ZNF622: variants seen among roughly 807,000 people sequenced by gnomAD.
ZNF622 encodes zinc finger protein 622, also known as cytoplasmic 60S subunit biogenesis factor ZNF622.
In ZNF622, 34 loss-of-function variants were observed where a neutral mutation model predicts 49.7. The ratio of observed to expected loss-of-function variants is 0.68; its 90% CI spans 0.52 to 0.91. The LOEUF (loss-of-function observed/expected upper bound fraction) is 0.91. Among genes scored for constraint, ZNF622 ranks in the 40% least tolerant of loss-of-function variants. The probability of loss-of-function intolerance (pLI) is 0.00; values close to 1 mark genes in which losing one functional copy is unlikely to be tolerated. For synonymous variants in ZNF622, 209 were observed against 228.7 expected (o/e 0.91, Z 0.78); for missense variants, 569 against 616.4 (o/e 0.92, Z 0.81).
Position 16,465,287 on chromosome 5 carries a change from C to A in ZNF622, c.379G>T (p.Ala127Ser). 3.1e-6 allele frequency: 5 copies of A among 1,614,266 alleles called. No individual in the cohort carries two copies. Among genetic ancestry groups the A allele is most frequent in the Non-Finnish European group, 4.2e-6 (5 of 1,180,044 alleles). The change falls in exon 1 of 6, where the codon GCC becomes TCC. Residue 127 changes from alanine to serine, a missense_variant. Coordinates refer to ENST00000308683, the MANE Select transcript of ZNF622 (RefSeq NM_033414.3). This position sits in a 1 kb window ranked among gnomAD's most constrained non-coding sequence, Gnocchi z 6.2. ...GLGVDSVDKDAMNAAIQQAIK... is the reference protein window; with the variant it reads ...GLGVDSVDKDSMNAAIQQAIK... ...GCCTGCTGGATGGCCGCGTTCATGG[C>A]ATCCTTGTCCACACTGTCCACGCCC...
chr5:16,463,299 G>GA lies in ZNF622; in HGVS notation c.887-30dup, dbSNP rs756878264. 1 of 1,576,936 alleles carries GA rather than the reference G, an allele frequency of 6.3e-7. No individual in the cohort carries two copies. The highest frequency in any genetic ancestry group is 1.2e-5 in the South Asian group (1 of 84,366). On this transcript the variant is annotated intron_variant, in intron 2 of 5. Coordinates refer to ENST00000308683, the MANE Select transcript of ZNF622 (RefSeq NM_033414.3). This position sits in a 1 kb window ranked among gnomAD's most constrained non-coding sequence, Gnocchi z 4.2. Reference sequence around the variant, plus strand: ...GAAAAATAATTTAAGGAAAAAATATGAAAAAAGCTTTTTGCAACCAGATTA... The same window carrying GA: ...GAAAAATAATTTAAGGAAAAAATATGAAAAAAAGCTTTTTGCAACCAGATTA...
chr5:16,453,562 TATATATATATATA>T (rs1561067747), intron 4 of ZNF622, among the ~76,000 whole-genome samples: 1,955 of 104,000 alleles, frequency 0.019, 29 homozygotes, highest in South Asian at 0.027. Flanking sequence ...ATAAAAATTA[TATATATATATATA>T]TATATATATA....
intron 3 of ZNF622, among the ~76,000 whole-genome samples, chr5:16,461,359 C>T (rs917876387): frequency 3.9e-5 from 6 of 152,184 alleles, no homozygotes; most frequent in Admixed American, 3.3e-4. Context: ...AGTTTGACCT[C>T]ACTTAATGTT....
Position 16,465,044 on chromosome 5 carries a change from C to T in ZNF622, c.622G>A (p.Asp208Asn). 1 of 1,579,162 alleles carries T rather than the reference C, an allele frequency of 6.3e-7. No individual in the cohort carries two copies. Among genetic ancestry groups the T allele is most frequent in the Non-Finnish European group, 8.6e-7 (1 of 1,162,508 alleles). The stretch of plus-strand genomic sequence containing the variant: ...CCCGCCCAGACAGGGCCATCACCGT[C>T]TCCATCCAGGTCCTCTTCCTCCTCC... ...SEEEEEDLDG[D>N]DWEDIDSDEE... The change falls in exon 1 of 6, where the codon GAC becomes AAC. Residue 208 changes from aspartate to asparagine, a missense_variant. Transcript: ENST00000308683. The surrounding 1 kb of genome is among the most constrained non-coding windows in gnomAD (Gnocchi z 6.2).
chr5:16,463,426 C>T lies in ZNF622; in HGVS notation c.886+56G>A. The T allele has an allele frequency of 1.9e-6, 3 of 1,544,876 alleles. No homozygotes were observed. Among genetic ancestry groups the T allele is most frequent in the Non-Finnish European group, 2.6e-6 (3 of 1,137,842 alleles). On this transcript the variant is annotated intron_variant, in intron 2 of 5. Coordinates refer to ENST00000308683, the MANE Select transcript of ZNF622 (RefSeq NM_033414.3). The surrounding 1 kb of genome is among the most constrained non-coding windows in gnomAD (Gnocchi z 4.2). ...ATGCAAAACTAATGTTCCCTTGAGACCAGTCCCCCAATAATGTGATTATTT... is the reference window on the plus strand; with the variant it reads ...ATGCAAAACTAATGTTCCCTTGAGATCAGTCCCCCAATAATGTGATTATTT...
In ZNF622 at chr5:16,462,655, G is replaced by GA. The variant is rs1212324788; in HGVS notation, c.1049+452dup. On this transcript the variant is annotated intron_variant, in intron 3 of 5. Transcript: ENST00000308683. ...GGTGACAGCAAAAATCTTTCTCAGA[G>GA]AAAAAAAAAGATTCTAGTTAGGGGT... 2.0e-5 allele frequency among the ~76,000 whole-genome samples: 3 copies of GA among 150,766 alleles called. No homozygotes were observed. The East Asian group carries it at 5.8e-4, about 29-fold the overall frequency.
Position 16,453,858 on chromosome 5 carries a change from G to GC in ZNF622, c.1163-703dup, listed in dbSNP as rs1372355789. Among the ~76,000 whole-genome samples, 3 of 152,016 alleles carry GC rather than the reference G, an allele frequency of 2.0e-5. No homozygotes were observed. In the East Asian group the frequency reaches 5.8e-4, roughly 30 times the overall value. On this transcript the variant is annotated intron_variant, in intron 4 of 5. Coordinates refer to ENST00000308683, the MANE Select transcript of ZNF622 (RefSeq NM_033414.3). ...TAAACATCTTTACATGCACAGGACAGCCCCCCATAACAAAGAATTATTCAG... is the reference window on the plus strand; with the variant it reads ...TAAACATCTTTACATGCACAGGACAGCCCCCCCATAACAAAGAATTATTCAG...
intron 3 of ZNF622, among the ~76,000 whole-genome samples, chr5:16,460,844 C>T (rs1738109982): frequency 6.6e-6 from 1 of 152,156 alleles, no homozygotes; most frequent in Non-Finnish European, 1.5e-5. Flanking sequence ...TAAGGGAGAA[C>T]CGTTTCCATC....
chr5:16,458,664 A>G, intron 3 of ZNF622, 35 bp from the exon 4 acceptor site: 1 of 1,428,448 alleles, frequency 7.0e-7, no homozygotes, highest in Non-Finnish European at 9.7e-7. Flanking sequence ...AAATAGACTA[A>G]TATCTCAAAT....
rs1738191703 is a variant in ZNF622, at chr5:16,465,106, G to A, written c.560C>T (p.Ala187Val). The A allele has an allele frequency of 1.2e-6, 2 of 1,612,566 alleles. No homozygotes were observed. The highest frequency in any genetic ancestry group is 1.1e-5 in the South Asian group (1 of 90,974). ...CTCCTGCTGCTTTGCCAACTTCTTCGCCTGCTGTTCAAACCACTGGAGCCG... is the reference window on the plus strand; with the variant it reads ...CTCCTGCTGCTTTGCCAACTTCTTCACCTGCTGTTCAAACCACTGGAGCCG... ...PPRLQWFEQQAKKLAKQQEED... is the reference protein window; with the variant it reads ...PPRLQWFEQQVKKLAKQQEED... Residue 187 changes from alanine (A) to valine (V), a missense_variant, in exon 1 of 6, where the codon GCG becomes GTG. Transcript: ENST00000308683. This position sits in a 1 kb window ranked among gnomAD's most constrained non-coding sequence, Gnocchi z 6.2.
intron 3 of ZNF622, among the ~76,000 whole-genome samples, chr5:16,460,781 T>C (rs562981889): frequency 6.6e-6 from 1 of 152,302 alleles, no homozygotes; most frequent in African/African-American, 2.4e-5. Context: ...TTCTCATTTC[T>C]AGGCACCAAC....
At chr5:16,454,898 G>A (rs550011451) in intron 4 of ZNF622, among the ~76,000 whole-genome samples, 6 of 152,316 alleles carry the variant, frequency 3.9e-5, no homozygotes, top group Admixed American at 2.6e-4. Context: ...TGACCTGAAG[G>A]GGGCTGGGTT....
chr5:16,458,039 T>G (rs931235361), intron 4 of ZNF622, among the ~76,000 whole-genome samples: 10 of 152,124 alleles, frequency 6.6e-5, no homozygotes, highest in African/African-American at 2.4e-4. Flanking sequence ...GCTTCTCACA[T>G]TCATGGTTAT....
At position 16,465,145 on chromosome 5, in the gene ZNF622, C is replaced by T. The variant is rs1186972551; in HGVS notation, c.521G>A (p.Ser174Asn). ...GGRGTHDRDPSEKPPRLQWFE... is the reference protein window; with the variant it reads ...GGRGTHDRDPNEKPPRLQWFE... ...CCACTGGAGCCGGGGTGGTTTCTCACTCGGGTCTCGGTCGTGGGTCCCACG... is the reference window on the plus strand; with the variant it reads ...CCACTGGAGCCGGGGTGGTTTCTCATTCGGGTCTCGGTCGTGGGTCCCACG... Residue 174 changes from serine (S) to asparagine (N), a missense_variant, in exon 1 of 6, where the codon AGT becomes AAT. By Grantham distance (46) the Ser-to-Asn change is conservative. Coordinates refer to ENST00000308683, the MANE Select transcript of ZNF622 (RefSeq NM_033414.3). The surrounding 1 kb of genome is among the most constrained non-coding windows in gnomAD (Gnocchi z 6.2). 2 of 1,614,214 alleles carry T rather than the reference C, an allele frequency of 1.2e-6. No individual in the cohort carries two copies. Among genetic ancestry groups the T allele is most frequent in the Admixed American group, 3.3e-5 (2 of 60,034 alleles).
At position 16,458,532 on chromosome 5, in the gene ZNF622, A is replaced by G. The variant is rs141079421; in HGVS notation, c.1147T>C (p.Leu383=). ...NLEYDDETME[L]ILPSGARVGH... ...ATGCACTTACCAGAAGGCAGAATCA[A>G]TTCCATGGTTTCATCATCATATTCC... Residue 383 remains leucine, a synonymous_variant, in exon 4 of 6, where the codon TTG becomes CTG. Transcript: ENST00000308683. 117 of 1,613,100 alleles carry G rather than the reference A, an allele frequency of 7.3e-5. No individual in the cohort carries two copies. In the African/African-American group the frequency reaches 1.4e-3, roughly 20 times the overall value.
At chr5:16,454,583 G>C (rs1294610457) in intron 4 of ZNF622, among the ~76,000 whole-genome samples, 4 of 150,562 alleles carry the variant, frequency 2.7e-5, no homozygotes, top group African/African-American at 9.7e-5. Context: ...GGTAAGTAAA[G>C]ATATCTACTG....
In ZNF622 at chr5:16,451,860, G is replaced by C. The variant is rs1737940302; in HGVS notation, c.1307-76C>G. 4 of 1,537,400 alleles carry C rather than the reference G, an allele frequency of 2.6e-6. 1 individual carries two copies. The South Asian group carries it at 5.1e-5, about 19-fold the overall frequency. ...TCAGAGAAAATCCAACCTTGGCAGAGAATTCAAAAGGTTAGTTTGGGGTAA... is the reference window on the plus strand; with the variant it reads ...TCAGAGAAAATCCAACCTTGGCAGACAATTCAAAAGGTTAGTTTGGGGTAA... On this transcript the variant is annotated intron_variant, in intron 5 of 5. Transcript: ENST00000308683.
intron 1 of ZNF622, among the ~76,000 whole-genome samples, chr5:16,464,620 T>A (rs28448574): frequency 6.6e-6 from 1 of 152,056 alleles, no homozygotes; most frequent in Non-Finnish European, 1.5e-5. Flanking sequence ...TCTGGCTGAG[T>A]TGGTTTTGAT....
At position 16,465,472 on chromosome 5, in the gene ZNF622, G is replaced by A. The variant is rs776020810; in HGVS notation, c.194C>T (p.Ser65Leu). The change falls in exon 1 of 6, where the codon TCG becomes TTG. Residue 65 changes from serine (S) to leucine (L), a missense_variant. Ser to Leu is a moderately radical substitution (Grantham distance 145). Coordinates refer to ENST00000308683, the MANE Select transcript of ZNF622 (RefSeq NM_033414.3). This position sits in a 1 kb window ranked among gnomAD's most constrained non-coding sequence, Gnocchi z 6.2. ...ACTGCAAACGGTGCAGTAGGTGGCC[G>A]AGCCCTTGCTCTCCTCCTCCGCGAC... ...RAVAEEESKG[S>L]ATYCTVCSKK... is the part of the protein sequence containing the mutation. The A allele has an allele frequency of 3.1e-6, 5 of 1,614,202 alleles. No individual in the cohort carries two copies. The highest frequency in any genetic ancestry group is 2.2e-5 in the East Asian group (1 of 44,872).
Sources: gnomAD v4.1 joint callset for allele counts (sites outside exome capture counted in the v4.1 genomes callset) on GRCh38, gnomAD v4.1.1 for gene constraint, Gnocchi (gnomAD v3.1) non-coding constraint, MANE v1.5 for transcripts, NCBI Gene and HGNC (gene_info 2026-07-23, HGNC 2026-07-21) for gene names.